The following NPFFR2 variants were observed in gnomAD, a reference collection of about 807,000 sequenced individuals.
NPFFR2 encodes G-protein coupled receptor 74.
A neutral mutation model predicts 13.1 loss-of-function variants in NPFFR2; 15 were observed. The observed-to-expected ratio is 1.15, with a 90% CI of 0.77 to 1.76. The LOEUF (loss-of-function observed/expected upper bound fraction) is 1.76, where lower values mean the gene tolerates loss of function less well. Among genes scored for constraint, NPFFR2 ranks in the 40% most tolerant of loss-of-function variants. The pLI, the probability that NPFFR2 is intolerant of heterozygous loss-of-function variation, is 0.00. For missense variants in NPFFR2, 572 were observed against 503.5 expected, an observed-to-expected ratio of 1.14 and a Z score of -1.30; for synonymous variants, 190 against 175.7, an observed-to-expected ratio of 1.08 and a Z score of -0.65.
intron 3 of NPFFR2, chr4:72,146,416 T>C (rs918362623): frequency 6.6e-6 from 1 of 152,170 alleles, no homozygotes; most frequent in Non-Finnish European, 1.5e-5. Context: ...GCATCATGTT[T>C]GCTAATATCC....
At chr4:72,126,161 C>T (rs983691598) in intron 1 of NPFFR2, among the ~76,000 whole-genome samples, 5 of 152,126 alleles carry the variant, frequency 3.3e-5, no homozygotes, top group Non-Finnish European at 7.4e-5. Context: ...ATCTCATTAT[C>T]CAAAACGTTA....
At chr4:72,083,542 C>A (rs557642861) in intron 1 of NPFFR2, among the ~76,000 whole-genome samples, 14 of 152,126 alleles carry the variant, frequency 9.2e-5, no homozygotes, top group Admixed American at 6.6e-4. Flanking sequence ...TTAGGAACAC[C>A]ATGTTCTCCT....
intron 2 of NPFFR2, among the ~76,000 whole-genome samples, chr4:72,136,751 T>C (rs1193023135): frequency 6.6e-6 from 1 of 152,142 alleles, no homozygotes; most frequent in Non-Finnish European, 1.5e-5. Flanking sequence ...TGACTCGGGG[T>C]TTAGAGTACT....
At chr4:72,065,840 C>T (rs1485296117) in intron 1 of NPFFR2, among the ~76,000 whole-genome samples, 1 of 152,152 alleles carries the variant, frequency 6.6e-6, no homozygotes, top group East Asian at 1.9e-4. Flanking sequence ...TCAGAAGGCT[C>T]ATCCTTGCGA....
chr4:72,128,570 CTCTTCTT>C lies in NPFFR2; in HGVS notation c.-7-13_-7-7del. 1 of 1,515,160 alleles carries C rather than the reference CTCTTCTT, an allele frequency of 6.6e-7. No homozygotes were observed. Among genetic ancestry groups the C allele is most frequent in the Non-Finnish European group, 9.0e-7 (1 of 1,114,078 alleles). 93.9% of individuals were successfully genotyped at this position (1,515,160 alleles called of 1,614,324 possible). On this transcript the variant is annotated splice_polypyrimidine_tract_variant and splice_region_variant and intron_variant, in intron 1 of 3. Transcript: ENST00000308744. ...TCCTAATTATGTTTTTCTTTTCTGT[CTCTTCTT>C]TATTAAGGTTCATCATGAATGAGAA...
At chr4:72,067,020 G>A (rs56689458) in intron 1 of NPFFR2, among the ~76,000 whole-genome samples, 7,229 of 143,420 alleles carry the variant, frequency 0.05, 597 homozygotes, top group African/African-American at 0.17. Context: ...CTTTTCCCAG[G>A]TTGGGGCCTT....
At chr4:72,110,972 A>C (rs1721551047) in intron 1 of NPFFR2, among the ~76,000 whole-genome samples, 1 of 152,134 alleles carries the variant, frequency 6.6e-6, no homozygotes, top group Non-Finnish European at 1.5e-5. Flanking sequence ...CAAAAGCCTA[A>C]GTAAGCTCTA....
chr4:72,067,739 G>A (rs1009527334), intron 1 of NPFFR2, among the ~76,000 whole-genome samples: 2 of 151,998 alleles, frequency 1.3e-5, no homozygotes, highest in African/African-American at 2.4e-5. Context: ...TTGCTTTTAA[G>A]TTCTGCCTCC....
intron 2 of NPFFR2, among the ~76,000 whole-genome samples, chr4:72,134,367 A>G (rs1722345249): frequency 6.6e-6 from 1 of 151,978 alleles, no homozygotes; most frequent in South Asian, 2.1e-4. Context: ...TTACTACTAT[A>G]TTTCTAAATA....
At chr4:72,095,297 C>G (rs28714642) in intron 1 of NPFFR2, among the ~76,000 whole-genome samples, 4,418 of 152,188 alleles carry the variant, frequency 0.029, 176 homozygotes, top group African/African-American at 0.09. Context: ...TGCATCTTGT[C>G]CCAGCTCTGT....
At chr4:72,145,225 CAT>C (rs1190610213) in intron 3 of NPFFR2, among the ~76,000 whole-genome samples, 1 of 148,616 alleles carries the variant, frequency 6.7e-6, no homozygotes, top group Non-Finnish European at 1.5e-5. Flanking sequence ...TATATATACT[CAT>C]ATATGTACAT....
At chr4:72,140,635 T>C (rs1182607292) in intron 3 of NPFFR2, among the ~76,000 whole-genome samples, 1 of 152,218 alleles carries the variant, frequency 6.6e-6, no homozygotes, top group African/African-American at 2.4e-5. Context: ...GATAAGTTTT[T>C]TGATGTGCTG....
At chr4:72,088,866 G>A (rs1293350852) in intron 1 of NPFFR2, among the ~76,000 whole-genome samples, 4 of 151,874 alleles carry the variant, frequency 2.6e-5, no homozygotes, top group Admixed American at 6.6e-5. Flanking sequence ...GGGGGAACAC[G>A]TGGTATTTGG....
At chr4:72,104,050 A>G (rs116512392) in intron 1 of NPFFR2, among the ~76,000 whole-genome samples, 2,716 of 152,204 alleles carry the variant, frequency 0.018, 89 homozygotes, top group African/African-American at 0.062. Context: ...TTCCCTAGCA[A>G]AATGAAGAAG....
At chr4:72,092,770 G>A (rs373270985) in intron 1 of NPFFR2, among the ~76,000 whole-genome samples, 46 of 152,178 alleles carry the variant, frequency 3.0e-4, no homozygotes, top group African/African-American at 1.1e-3. Flanking sequence ...CAGATACTTG[G>A]TTGGTGAATT....
chr4:72,107,752 C>T (rs1215327030), intron 1 of NPFFR2, among the ~76,000 whole-genome samples: 1 of 151,918 alleles, frequency 6.6e-6, no homozygotes, highest in Non-Finnish European at 1.5e-5. Context: ...TGAAACAGTT[C>T]TCACTCCCAA....
Position 72,032,201 on chromosome 4 carries a change from G to A in NPFFR2, c.-8+1G>A, listed in dbSNP as rs149664886. The A allele has an allele frequency of 1.9e-6, 3 of 1,603,996 alleles. No individual in the cohort carries two copies. The highest frequency in any genetic ancestry group is 1.7e-6 in the Non-Finnish European group (2 of 1,174,650). On this transcript the variant is annotated splice_donor_variant, in intron 1 of 3. Coordinates refer to ENST00000308744, the MANE Select transcript of NPFFR2 (RefSeq NM_004885.3). LOFTEE classifies it low-confidence loss of function (5UTR_SPLICE). ...CCGCCGACAGGGCTCGCCGGGAGAG[G>A]TAACAGCATGGGCCAGTTTGTCTGG...
chr4:72,135,812 TA>T (rs1232882764), intron 2 of NPFFR2, among the ~76,000 whole-genome samples: 2 of 140,376 alleles, frequency 1.4e-5, no homozygotes, highest in African/African-American at 2.4e-5. Context: ...AAAATTGTTT[TA>T]ATTTGTTTTT....
intron 1 of NPFFR2, among the ~76,000 whole-genome samples, chr4:72,077,620 T>G (rs2109789979): frequency 6.6e-6 from 1 of 152,272 alleles, no homozygotes; most frequent in East Asian, 1.9e-4. Flanking sequence ...TCTTAAACAC[T>G]GAAATTGAAA....
Sources: allele counts gnomAD v4.1 joint callset (sites outside exome capture counted in the v4.1 genomes callset), GRCh38; gene constraint gnomAD v4.1.1; transcripts MANE v1.5; gene names NCBI Gene and HGNC (gene_info 2026-07-23, HGNC 2026-07-21).